The following LRP1B variants were observed in gnomAD, a reference collection of about 807,000 sequenced individuals.
LRP1B encodes the protein LDL receptor related protein 1B.
In LRP1B, 217 loss-of-function variants were observed where a neutral mutation model predicts 556.6. The observed-to-expected ratio is 0.39, with a 90% CI of 0.35 to 0.44. LRP1B has a LOEUF of 0.44. LRP1B is among the 20% of genes least tolerant of loss of function. The pLI, the probability that LRP1B is intolerant of heterozygous loss-of-function variation, is 1.00. For synonymous variants in LRP1B, 2,047 were observed against 1,865.8 expected, an observed-to-expected ratio of 1.10 and a Z score of -2.50; for missense variants, 5,053 against 5,620.8, an observed-to-expected ratio of 0.90 and a Z score of 3.23.
chr2:141,464,367 A>G (rs1293341228), intron 3 of LRP1B, among the ~76,000 whole-genome samples: 2 of 151,308 alleles, frequency 1.3e-5, no homozygotes, highest in Non-Finnish European at 2.9e-5. Flanking sequence ...ACAAATTGGA[A>G]TGTGTATTGG....
At chr2:140,971,661 T>C (rs2091301) in intron 18 of LRP1B, among the ~76,000 whole-genome samples, 128,650 of 151,972 alleles carry the variant, frequency 0.85, 55,003 homozygotes, top group Non-Finnish European at 0.9. Context: ...GGTGAAACCC[T>C]TTCTCTACTA....
In LRP1B at chr2:141,212,249, A is replaced by ATTTTTT. The variant is rs59699046; in HGVS notation, c.850+16928_850+16933dup. The stretch of plus-strand genomic sequence containing the variant: ...AAGATATATTGATCAAAAAGTCTAG[A>ATTTTTT]TTTTTTTTTTTTTTTTTTTTTTTTT... On this transcript the variant is annotated intron_variant, in intron 6 of 90. Transcript: ENST00000389484. Among the ~76,000 whole-genome samples the ATTTTTT allele has an allele frequency of 9.6e-5, 6 of 62,268 alleles. 2 individuals carry two copies. The highest frequency in any genetic ancestry group is 4.4e-4 in the Admixed American group (2 of 4,564). The allele number at this position is 62,268 out of a possible 152,430, so 40.9% of individuals were successfully genotyped here. A position where few individuals can be genotyped will look rare whatever the true frequency, so the allele number is the denominator to read the frequency against.
At chr2:141,294,733 C>T (rs1321835285) in intron 3 of LRP1B, among the ~76,000 whole-genome samples, 1 of 74,946 alleles carries the variant, frequency 1.3e-5, no homozygotes, top group African/African-American at 4.9e-5. Flanking sequence ...GAATGAGATT[C>T]TGTCTCAAAA....
At chr2:140,779,321 AG>A (rs1444759158) in intron 32 of LRP1B, among the ~76,000 whole-genome samples, 2 of 152,232 alleles carry the variant, frequency 1.3e-5, no homozygotes, top group Non-Finnish European at 1.5e-5. Flanking sequence ...GCTAGAAACT[AG>A]AAAACAGTGA....
chr2:140,449,403 G>T (rs1360925933), intron 63 of LRP1B, among the ~76,000 whole-genome samples: 1 of 151,854 alleles, frequency 6.6e-6, no homozygotes, highest in East Asian at 1.9e-4. Context: ...TTTTTGAAAA[G>T]AATAATTCAG....
chr2:142,057,410 C>A (rs1704716416), intron 1 of LRP1B, among the ~76,000 whole-genome samples: 1 of 152,084 alleles, frequency 6.6e-6, no homozygotes, highest in Non-Finnish European at 1.5e-5. Flanking sequence ...CTCTTATGTG[C>A]AAGAAGATGG....
chr2:140,916,003 G>A (rs1316519235), intron 21 of LRP1B, among the ~76,000 whole-genome samples: 5 of 152,122 alleles, frequency 3.3e-5, no homozygotes, highest in South Asian at 2.1e-4. Context: ...ACTCCAGCCC[G>A]GGTGACAGAG....
At chr2:141,942,057 T>TGTTTCTGG (rs1438452158) in intron 1 of LRP1B, among the ~76,000 whole-genome samples, 2 of 152,218 alleles carry the variant, frequency 1.3e-5, no homozygotes, top group African/African-American at 4.8e-5. Context: ...CACAATACTC[T>TGTTTCTGG]GTTTCTGGTG....
At chr2:141,461,373 G>C (rs1681864851) in intron 3 of LRP1B, among the ~76,000 whole-genome samples, 1 of 152,196 alleles carries the variant, frequency 6.6e-6, no homozygotes, top group African/African-American at 2.4e-5. Flanking sequence ...GGCGGCTTCA[G>C]TGGAATGATA....
At chr2:141,375,384 G>A (rs990382775) in intron 3 of LRP1B, among the ~76,000 whole-genome samples, 1 of 152,166 alleles carries the variant, frequency 6.6e-6, no homozygotes, top group Admixed American at 6.5e-5. Context: ...GAAGCTAGCA[G>A]TGGGAGTGGT....
At chr2:141,561,208 T>C (rs1686136558) in intron 2 of LRP1B, among the ~76,000 whole-genome samples, 1 of 151,806 alleles carries the variant, frequency 6.6e-6, no homozygotes, top group South Asian at 2.1e-4. Context: ...TACTATGATA[T>C]AGGTTTAGAT....
At chr2:141,448,169 G>C (rs1681269885) in intron 3 of LRP1B, among the ~76,000 whole-genome samples, 1 of 152,158 alleles carries the variant, frequency 6.6e-6, no homozygotes, top group African/African-American at 2.4e-5. Flanking sequence ...CTGAGCTGTG[G>C]TGGGCTCCAC....
intron 43 of LRP1B, among the ~76,000 whole-genome samples, chr2:140,573,253 T>C (rs937353387): frequency 2.0e-5 from 3 of 151,840 alleles, no homozygotes; most frequent in Non-Finnish European, 4.4e-5. Context: ...ACCATAAATA[T>C]GTACAATTAT....
chr2:141,212,051 CAT>C (rs1252919893), intron 6 of LRP1B, among the ~76,000 whole-genome samples: 4 of 151,888 alleles, frequency 2.6e-5, no homozygotes, highest in Admixed American at 6.6e-5. Flanking sequence ...TTTAATAAAA[CAT>C]GTATTTGCTT....
At chr2:140,399,082 C>T (rs984914140) in intron 66 of LRP1B, among the ~76,000 whole-genome samples, 1 of 151,846 alleles carries the variant, frequency 6.6e-6, no homozygotes, top group Non-Finnish European at 1.5e-5. Flanking sequence ...ACTTATCTTT[C>T]TTTTTCTTTA....
intron 63 of LRP1B, 36 bp from the exon 64 acceptor site, chr2:140,444,715 T>G: frequency 5.5e-6 from 7 of 1,270,304 alleles, no homozygotes; most frequent in Non-Finnish European, 6.9e-6. Flanking sequence ...GGAATGGTAA[T>G]CTTACCTCAC....
chr2:140,703,042 A>G (rs568665019), intron 37 of LRP1B, among the ~76,000 whole-genome samples: 5 of 152,244 alleles, frequency 3.3e-5, no homozygotes, highest in African/African-American at 1.2e-4. Context: ...CTCTATTTTC[A>G]TTCACTATTA....
intron 66 of LRP1B, among the ~76,000 whole-genome samples, chr2:140,428,933 G>T (rs1201549847): frequency 6.6e-6 from 1 of 151,968 alleles, no homozygotes; most frequent in East Asian, 1.9e-4. Context: ...CTGCTTCCTT[G>T]ACTATTCCTA....
chr2:140,884,020 A>C lies in LRP1B; in HGVS notation c.3966T>G (p.Gly1322=), dbSNP rs1693557110. The part of the protein sequence containing the change: ...IYRGKLSESG[G]VSAIEVVVEH... ...CCACAACCACTTCAATGGCACTGACACCTACAAAAGAAGGAAAACCAACAT... is the reference window on the plus strand; with the variant it reads ...CCACAACCACTTCAATGGCACTGACCCCTACAAAAGAAGGAAAACCAACAT... The change falls in exon 25 of 91, where the codon GGT becomes GGG. Residue 1322 remains glycine (G), a splice_region_variant and synonymous_variant. Coordinates refer to ENST00000389484, the MANE Select transcript of LRP1B (RefSeq NM_018557.3). 5 of 1,612,276 alleles carry C rather than the reference A, an allele frequency of 3.1e-6. No individual in the cohort carries two copies. In the South Asian group the frequency reaches 4.4e-5, roughly 14 times the overall value.
Sources: gnomAD v4.1 joint callset for allele counts (sites outside exome capture counted in the v4.1 genomes callset) on GRCh38, gnomAD v4.1.1 for gene constraint, MANE v1.5 for transcripts, NCBI Gene and HGNC (gene_info 2026-07-23, HGNC 2026-07-21) for gene names.